The following LCORL variants were observed in gnomAD, a reference collection of about 807,000 sequenced individuals.
The protein encoded by LCORL is ligand dependent nuclear receptor corepressor like, also known as ligand-dependent nuclear receptor corepressor-like protein.
LCORL carries 41 observed loss-of-function variants against 141.8 expected under a neutral mutation model. The ratio of observed to expected loss-of-function variants is 0.29; its 90% CI spans 0.23 to 0.38. LCORL has a LOEUF of 0.38. Ranked by LOEUF, LCORL falls within the 10% of genes least tolerant of loss-of-function variation. LCORL has a pLI of 1.00. For synonymous variants in LCORL, 618 were observed against 694.1 expected, an observed-to-expected ratio of 0.89 and a Z score of 1.72; for missense variants, 1,759 against 2,035.0, an observed-to-expected ratio of 0.86 and a Z score of 2.61.
At chr4:17,867,225 G>T (rs1345417331) in intron 7 of LCORL, among the ~76,000 whole-genome samples, 1 of 151,990 alleles carries the variant, frequency 6.6e-6, no homozygotes, top group Non-Finnish European at 1.5e-5. Context: ...GGACGAACAA[G>T]ATAGGATGAC....
intron 1 of LCORL, among the ~76,000 whole-genome samples, chr4:17,981,421 T>G (rs2109721792): frequency 1.3e-5 from 2 of 152,290 alleles, no homozygotes; most frequent in Middle Eastern, 6.8e-3. Context: ...AATTTGCAGT[T>G]CTCTATTACT....
At chr4:17,980,872 T>C (rs561224133) in intron 1 of LCORL, among the ~76,000 whole-genome samples, 25 of 152,302 alleles carry the variant, frequency 1.6e-4, no homozygotes, top group African/African-American at 6.0e-4. Context: ...TTCTGGGTTG[T>C]ATACTCCTTA....
intron 7 of LCORL, among the ~76,000 whole-genome samples, chr4:17,849,936 T>C (rs1184504230): frequency 1.3e-5 from 2 of 151,610 alleles, no homozygotes; most frequent in Non-Finnish European, 2.9e-5. Flanking sequence ...AACAGAGATA[T>C]AGATCAATGG....
At chr4:17,897,586 T>C (rs570832464) in intron 5 of LCORL, among the ~76,000 whole-genome samples, 2 of 152,296 alleles carry the variant, frequency 1.3e-5, no homozygotes, top group East Asian at 3.9e-4. Flanking sequence ...TGGTGTGGTG[T>C]GTACCTCCAA....
intron 1 of LCORL, among the ~76,000 whole-genome samples, chr4:17,981,867 T>G (rs1434490570): frequency 6.6e-6 from 1 of 152,106 alleles, no homozygotes; most frequent in African/African-American, 2.4e-5. Context: ...TAATACCCAA[T>G]AGTTATTTTT....
At chr4:17,933,351 G>A (rs1357397006) in intron 4 of LCORL, among the ~76,000 whole-genome samples, 3 of 151,992 alleles carry the variant, frequency 2.0e-5, no homozygotes, top group Admixed American at 6.5e-5. Context: ...CACTGTTCTA[G>A]CAACAACTTT....
chr4:18,005,731 G>C (rs1002876307), intron 1 of LCORL, among the ~76,000 whole-genome samples: 1 of 152,212 alleles, frequency 6.6e-6, no homozygotes, highest in African/African-American at 2.4e-5. Flanking sequence ...CGAGCTCTAT[G>C]TTGGCCCCTT....
At chr4:18,010,430 A>G (rs143160334) in intron 1 of LCORL, among the ~76,000 whole-genome samples, 1 of 151,964 alleles carries the variant, frequency 6.6e-6, no homozygotes, top group Admixed American at 6.6e-5. Flanking sequence ...ATATGTATGT[A>G]TGTATATATG....
chr4:17,855,698 A>G (rs1318647843), intron 7 of LCORL, among the ~76,000 whole-genome samples: 1 of 152,224 alleles, frequency 6.6e-6, no homozygotes, highest in Non-Finnish European at 1.5e-5. Flanking sequence ...CTGCTGAGTT[A>G]GTGTGAGGGA....
At chr4:17,862,483 G>A (rs1013006130) in intron 7 of LCORL, among the ~76,000 whole-genome samples, 5 of 152,136 alleles carry the variant, frequency 3.3e-5, no homozygotes, top group Admixed American at 2.0e-4. Flanking sequence ...AACCATATCA[G>A]CTACAGTAAC....
intron 4 of LCORL, chr4:17,912,600 C>G: frequency 2.5e-6 from 1 of 406,040 alleles, no homozygotes; most frequent in Non-Finnish European, 4.8e-6. Context: ...CTGAGACTTA[C>G]AGTCCAGTCC....
intron 2 of LCORL, among the ~76,000 whole-genome samples, chr4:17,967,079 T>C (rs746597785): frequency 2.6e-5 from 4 of 152,138 alleles, no homozygotes; most frequent in Admixed American, 1.3e-4. Flanking sequence ...CAACGCAATA[T>C]TATTCATCAA....
chr4:18,012,622 C>T (rs1345206532), intron 1 of LCORL, among the ~76,000 whole-genome samples: 1 of 152,022 alleles, frequency 6.6e-6, no homozygotes, highest in Non-Finnish European at 1.5e-5. Context: ...ATGTGTAATG[C>T]ACCAATGTTA....
At chr4:17,984,485 G>C (rs1718595729) in intron 1 of LCORL, among the ~76,000 whole-genome samples, 1 of 151,936 alleles carries the variant, frequency 6.6e-6, no homozygotes, top group South Asian at 2.1e-4. Flanking sequence ...TTTCTTCCTG[G>C]TTCAGTTGTA....
At chr4:17,875,324 G>C in exon 7 of LCORL, 1 of 1,231,366 alleles carries the variant, frequency 8.1e-7, no homozygotes. Flanking sequence ...TCACAGATTT[G>C]TTCTTGATGG....
chr4:17,871,569 T>C (rs1464529877), intron 7 of LCORL, among the ~76,000 whole-genome samples: 4 of 152,016 alleles, frequency 2.6e-5, no homozygotes, highest in African/African-American at 4.8e-5. Context: ...TACGGTTCTG[T>C]TGTAAAATGA....
chr4:17,998,809 AC>A (rs1296829259), intron 1 of LCORL, among the ~76,000 whole-genome samples: 1 of 151,124 alleles, frequency 6.6e-6, no homozygotes, highest in Admixed American at 6.6e-5. Context: ...TGCAAAAACC[AC>A]AAAAATTAGC....
chr4:17,920,081 GTGTTTGCT>G (rs1250099213), intron 4 of LCORL, among the ~76,000 whole-genome samples: 2 of 152,226 alleles, frequency 1.3e-5, no homozygotes, highest in East Asian at 3.9e-4. Context: ...AGCCAGTTAA[GTGTTTGCT>G]TGAGTTCTAT....
intron 1 of LCORL, among the ~76,000 whole-genome samples, chr4:18,015,064 G>C (rs989355235): frequency 6.6e-6 from 1 of 152,148 alleles, no homozygotes; most frequent in African/African-American, 2.4e-5. Flanking sequence ...TGAAAGATGA[G>C]ATTTACTAAT....
Sources: allele counts gnomAD v4.1 joint callset (sites outside exome capture counted in the v4.1 genomes callset), GRCh38; gene constraint gnomAD v4.1.1; transcripts MANE v1.5; gene names NCBI Gene and HGNC (gene_info 2026-07-23, HGNC 2026-07-21).